Variants in RANBP9 observed in about 807,000 individuals in gnomAD.
RANBP9 encodes the protein ran-binding protein 9.
RANBP9 carries 15 observed loss-of-function variants against 84.3 expected under a neutral mutation model. That is an observed-to-expected ratio of 0.18 (90% CI 0.12 to 0.27). RANBP9 has a LOEUF of 0.27. Ranked by LOEUF, RANBP9 falls within the 10% of genes least tolerant of loss-of-function variation. The pLI, the probability that RANBP9 is intolerant of heterozygous loss-of-function variation, is 1.00. For synonymous variants in RANBP9, 392 were observed against 349.6 expected, an observed-to-expected ratio of 1.12 and a Z score of -1.35; for missense variants, 809 against 912.8, an observed-to-expected ratio of 0.89 and a Z score of 1.46.
At chr6:13,684,268 C>G (rs1452328412) in intron 2 of RANBP9, among the ~76,000 whole-genome samples, 2 of 152,206 alleles carry the variant, frequency 1.3e-5, no homozygotes, top group East Asian at 1.9e-4. Context: ...ATTGTTATGC[C>G]CTACACTTAG....
chr6:13,659,240 CCCCACACACACACACATACA>C (rs1183596430), intron 2 of RANBP9, among the ~76,000 whole-genome samples: 4 of 109,970 alleles, frequency 3.6e-5, no homozygotes, highest in East Asian at 8.0e-4. Context: ...CAAATTTAGA[CCCCACACACACACACATACA>C]CACACACACA....
At chr6:13,698,880 T>C (rs1757902637) in intron 1 of RANBP9, among the ~76,000 whole-genome samples, 7 of 152,172 alleles carry the variant, frequency 4.6e-5, no homozygotes, top group Admixed American at 4.6e-4. Flanking sequence ...GTGTGAGCTC[T>C]GAACCCACAT....
At position 13,641,155 on chromosome 6, in the gene RANBP9, T is replaced by C. The variant is rs533585347; in HGVS notation, c.1334+44A>G. 5 of 1,178,112 alleles carry C rather than the reference T, an allele frequency of 4.2e-6. No homozygotes were observed. The South Asian group carries it at 7.0e-5, about 17-fold the overall frequency. The allele number at this position is 1,178,112 out of a possible 1,614,324, so 73.0% of individuals were successfully genotyped here. A position where few individuals can be genotyped will look rare whatever the true frequency, so the allele number is the denominator to read the frequency against. ...CTTTTATTACATAACTTGACAAATA[T>C]TTATAATATATAACAAATATAGCAT... On this transcript the variant is annotated intron_variant, in intron 8 of 13. Transcript: ENST00000011619.
chr6:13,629,258 G>T (rs1156306817), intron 12 of RANBP9, among the ~76,000 whole-genome samples: 2 of 152,014 alleles, frequency 1.3e-5, no homozygotes. Flanking sequence ...TTACAGATGT[G>T]GGCCACCACA....
chr6:13,642,489 C>T lies in RANBP9; in HGVS notation c.1215G>A (p.Lys405=). 1 of 1,585,844 alleles carries T rather than the reference C, an allele frequency of 6.3e-7. No homozygotes were observed. The highest frequency in any genetic ancestry group is 8.6e-7 in the Non-Finnish European group (1 of 1,160,096). ...CCACAGTGTCCTTACTTTGTCTATT[C>T]TTAATGGAAGCTAATTCTTCTAGAA... ...QTVLEELASI[K]NRQRIQKLVL... The change falls in exon 7 of 14, where the codon AAG becomes AAA. Residue 405 remains lysine (K), a synonymous_variant. Coordinates refer to ENST00000011619, the MANE Select transcript of RANBP9 (RefSeq NM_005493.3).
intron 1 of RANBP9, among the ~76,000 whole-genome samples, chr6:13,705,850 C>A (rs1758098135): frequency 9.4e-6 from 1 of 106,498 alleles, no homozygotes; most frequent in Non-Finnish European, 1.8e-5. Flanking sequence ...GCCTGGGCGA[C>A]AGAGCAAGAC....
chr6:13,676,999 G>T (rs1409166767), intron 2 of RANBP9, among the ~76,000 whole-genome samples: 1 of 152,074 alleles, frequency 6.6e-6, no homozygotes, highest in Non-Finnish European at 1.5e-5. Context: ...CATCATAGGG[G>T]AAGTCCTAGC....
intron 4 of RANBP9, among the ~76,000 whole-genome samples, chr6:13,655,517 CCATT>C (rs1248097779): frequency 2.0e-5 from 3 of 151,868 alleles, no homozygotes; most frequent in East Asian, 1.9e-4. Flanking sequence ...TAATGTGACT[CCATT>C]ATTAGGTGCA....
At chr6:13,676,053 T>C (rs1205014143) in intron 2 of RANBP9, among the ~76,000 whole-genome samples, 1 of 152,062 alleles carries the variant, frequency 6.6e-6, no homozygotes, top group Non-Finnish European at 1.5e-5. Flanking sequence ...GATCGAATTG[T>C]AGTGTCAAAA....
Position 13,710,963 on chromosome 6 carries a change from A to T in RANBP9, c.543T>A (p.Ser181=). 1 of 1,609,760 alleles carries T rather than the reference A, an allele frequency of 6.2e-7. No homozygotes were observed. Among genetic ancestry groups the T allele is most frequent in the Non-Finnish European group, 8.5e-7 (1 of 1,178,272 alleles). ...TGTAGTGCACCCGCAGGTTGTTCTG[A>T]GAGAGGCCGATGTAGCTGAACTTGT... ...PKDKFSYIGL[S]QNNLRVHYKG... The change falls in exon 1 of 14, where the codon TCT becomes TCA. Residue 181 remains serine (S), a synonymous_variant. Transcript: ENST00000011619.
intron 2 of RANBP9, among the ~76,000 whole-genome samples, chr6:13,680,757 G>GAAA (rs35137292): frequency 7.8e-6 from 1 of 128,022 alleles, no homozygotes; most frequent in African/African-American, 2.9e-5. Context: ...GTCTGTCTCG[G>GAAA]AAAAAAAAAA....
At chr6:13,696,069 G>C (rs1220475253) in intron 2 of RANBP9, among the ~76,000 whole-genome samples, 1 of 151,364 alleles carries the variant, frequency 6.6e-6, no homozygotes, top group Non-Finnish European at 1.5e-5. Context: ...TAGGTAATTA[G>C]TGCTTAACCA....
At chr6:13,630,707 C>T (rs1003346749) in intron 12 of RANBP9, among the ~76,000 whole-genome samples, 11 of 152,094 alleles carry the variant, frequency 7.2e-5, no homozygotes, top group African/African-American at 2.7e-4. Flanking sequence ...TGGAATTTTC[C>T]AGAGGCACAA....
chr6:13,666,662 G>C (rs746075172), intron 2 of RANBP9, among the ~76,000 whole-genome samples: 8 of 143,104 alleles, frequency 5.6e-5, no homozygotes, highest in Non-Finnish European at 1.1e-4. Context: ...TGTAGTCCCA[G>C]CTACTCGGGA....
intron 12 of RANBP9, among the ~76,000 whole-genome samples, chr6:13,627,223 TC>T (rs921961161): frequency 1.3e-5 from 2 of 152,176 alleles, no homozygotes; most frequent in African/African-American, 4.8e-5. Context: ...GTTTTATGCA[TC>T]CCACAAAGCT....
intron 2 of RANBP9, among the ~76,000 whole-genome samples, chr6:13,686,612 CAAG>C (rs1368624603): frequency 6.6e-6 from 1 of 152,134 alleles, no homozygotes; most frequent in East Asian, 1.9e-4. Flanking sequence ...CTTTGTTGCC[CAAG>C]CTGGTCTCGA....
intron 11 of RANBP9, 47 bp downstream of exon 11, chr6:13,634,384 T>C: frequency 6.3e-7 from 1 of 1,595,936 alleles, no homozygotes. Flanking sequence ...AACATAACCT[T>C]GTAGCCATCA....
chr6:13,646,550 T>G (rs1326313587), intron 5 of RANBP9, among the ~76,000 whole-genome samples: 2 of 152,242 alleles, frequency 1.3e-5, no homozygotes, highest in Non-Finnish European at 2.9e-5. Flanking sequence ...TTTATAATGA[T>G]GATATTCAGT....
intron 2 of RANBP9, among the ~76,000 whole-genome samples, chr6:13,661,327 G>GA (rs1765534708): frequency 6.6e-6 from 1 of 152,060 alleles, no homozygotes; most frequent in Admixed American, 6.5e-5. Context: ...GGATTGGGAG[G>GA]AATGAATTGA....
Sources: allele counts gnomAD v4.1 joint callset (sites outside exome capture counted in the v4.1 genomes callset), GRCh38; gene constraint gnomAD v4.1.1; transcripts MANE v1.5; gene names NCBI Gene and HGNC (gene_info 2026-07-23, HGNC 2026-07-21).